The following VWA3B variants were observed in gnomAD, a reference collection of about 807,000 sequenced individuals.
The protein encoded by VWA3B is von Willebrand factor A domain containing 3B, also known as von Willebrand factor A domain-containing protein 3B.
In VWA3B, 138 loss-of-function variants were observed where a neutral mutation model predicts 158.3. The ratio of observed to expected loss-of-function variants is 0.87; its 90% confidence interval spans 0.76 to 1.00. The LOEUF is 1.00. Ranked by LOEUF, VWA3B falls within the 50% of genes least tolerant of loss-of-function variation. The pLI is 0.00. For synonymous variants in VWA3B, 596 were observed against 587.3 expected (o/e 1.01, Z -0.21); for missense variants, 1,555 against 1,565.1 (o/e 0.99, Z 0.11).
the VWA3B span, among the ~76,000 whole-genome samples, chr2:98,321,581 C>T: frequency 6.6e-6 from 1 of 152,230 alleles, no homozygotes; most frequent in South Asian, 2.1e-4. Flanking sequence ...GAAAAGACAT[C>T]ATTTCAGAGC....
chr2:98,310,129 C>G (rs1690798201), intron 26 of VWA3B, among the ~76,000 whole-genome samples: 1 of 152,126 alleles, frequency 6.6e-6, no homozygotes. Flanking sequence ...TCTAAGACCC[C>G]CCACCGGGTC....
intron 13 of VWA3B, chr2:98,216,982 A>ACCACCCC: frequency 1.6e-6 from 2 of 1,232,686 alleles, no homozygotes; most frequent in Non-Finnish European, 2.1e-6. Flanking sequence ...CATTGTAAGC[A>ACCACCCC]CCCGCCCCGC....
At chr2:98,280,181 CTCTT>C (rs540077415) in intron 22 of VWA3B, among the ~76,000 whole-genome samples, 56 of 152,230 alleles carry the variant, frequency 3.7e-4, no homozygotes, top group African/African-American at 1.3e-3. Flanking sequence ...AAATTTTTCT[CTCTT>C]TGTTTGTTTG....
intron 4 of VWA3B, among the ~76,000 whole-genome samples, chr2:98,120,820 T>C (rs920385724): frequency 6.6e-6 from 1 of 152,110 alleles, no homozygotes; most frequent in Admixed American, 6.5e-5. Context: ...CCAGTATTAA[T>C]CCAAAAGAAG....
intron 12 of VWA3B, chr2:98,206,495 G>A: frequency 2.1e-6 from 1 of 465,320 alleles, no homozygotes; most frequent in Admixed American, 2.6e-5. Flanking sequence ...GAATGGTACA[G>A]AAGGCTTGTT....
chr2:98,111,239 C>T (rs1428174051), intron 2 of VWA3B, among the ~76,000 whole-genome samples: 1 of 152,108 alleles, frequency 6.6e-6, no homozygotes, highest in African/African-American at 2.4e-5. Context: ...ATAATGGCCT[C>T]CAGTTCCATA....
intron 21 of VWA3B, among the ~76,000 whole-genome samples, chr2:98,261,868 T>C (rs187783523): frequency 5.3e-5 from 8 of 151,876 alleles, no homozygotes; most frequent in Admixed American, 5.2e-4. Context: ...TAATGTGTGT[T>C]GGTGTGACTC....
At chr2:98,147,462 G>A (rs1006200773) in intron 7 of VWA3B, among the ~76,000 whole-genome samples, 8 of 151,914 alleles carry the variant, frequency 5.3e-5, no homozygotes, top group Non-Finnish European at 7.4e-5. Context: ...AAATAATTAA[G>A]GCATAAATAT....
In VWA3B at chr2:98,228,182, T is replaced by C. The variant is rs2105682729; in HGVS notation, c.2020-20T>C. ...TCTTTTTATCTAGTCTTATAGCATA[T>C]TCACTTCTCATTTTGGCAGAATGAA... is the stretch of plus-strand genomic sequence containing the variant. On this transcript the variant is annotated intron_variant, in intron 14 of 27. Coordinates refer to ENST00000477737, the MANE Select transcript of VWA3B (RefSeq NM_144992.5). The C allele has an allele frequency of 6.2e-7, 1 of 1,605,048 alleles. No homozygotes were observed. Among genetic ancestry groups the C allele is most frequent in the African/African-American group, 1.3e-5 (1 of 74,696 alleles).
intron 21 of VWA3B, among the ~76,000 whole-genome samples, chr2:98,260,603 G>T (rs771989369): frequency 6.6e-6 from 1 of 151,590 alleles, no homozygotes; most frequent in Non-Finnish European, 1.5e-5. Flanking sequence ...GTGGATTTTG[G>T]CTTCCATAGG....
chr2:98,252,136 C>T lies in VWA3B; in HGVS notation c.2792+1700C>T, dbSNP rs1040113500. On this transcript the variant is annotated intron_variant, in intron 20 of 27. Transcript: ENST00000477737. ...GAGACCTCTCGGGAGCTCCTCTCAG[C>T]GCCCACCCTTCGTGTGGCCCTCAGA... Among the ~76,000 whole-genome samples the T allele has an allele frequency of 2.6e-5, 4 of 152,076 alleles. 1 individual carries two copies. The highest frequency in any genetic ancestry group is 4.1e-4 in the South Asian group (2 of 4,828).
At chr2:98,102,904 G>T (rs1478387425) in intron 2 of VWA3B, among the ~76,000 whole-genome samples, 1 of 152,120 alleles carries the variant, frequency 6.6e-6, no homozygotes, top group South Asian at 2.1e-4. Flanking sequence ...ATAAACAGAG[G>T]GCTAATCAGA....
chr2:98,115,712 A>G lies in VWA3B; in HGVS notation c.257A>G (p.Gln86Arg). The G allele has an allele frequency of 6.2e-7, 1 of 1,613,618 alleles. No individual in the cohort carries two copies. The highest frequency in any genetic ancestry group is 8.5e-7 in the Non-Finnish European group (1 of 1,180,016). The change falls in exon 3 of 28, where the codon CAG (glutamine) becomes CGG (arginine). Residue 86 changes from glutamine (Q) to arginine (R), a missense_variant. Transcript: ENST00000477737. The part of the protein sequence containing the change: ...ASRYADGLFP[Q>R]LYRAEDGRVY... The stretch of plus-strand genomic sequence containing the variant: ...CGGTATGCTGATGGTCTGTTTCCAC[A>G]GCTCTACAGAGCAGAAGATGGCAGA...
chr2:98,301,710 G>T (rs537565203), intron 25 of VWA3B, among the ~76,000 whole-genome samples: 1 of 152,258 alleles, frequency 6.6e-6, no homozygotes, highest in South Asian at 2.1e-4. Flanking sequence ...TTGTCTGTTG[G>T]ATCGTTTGTC....
chr2:98,129,640 C>T (rs560480456), intron 6 of VWA3B, among the ~76,000 whole-genome samples: 12 of 151,902 alleles, frequency 7.9e-5, no homozygotes, highest in African/African-American at 2.9e-4. Context: ...CCTCACAATA[C>T]CCGAATAGTA....
chr2:98,249,608 T>A (rs1686665960), intron 19 of VWA3B, among the ~76,000 whole-genome samples: 1 of 152,090 alleles, frequency 6.6e-6, no homozygotes, highest in Admixed American at 6.5e-5. Flanking sequence ...ACATTTACCA[T>A]CTTTTCCCCC....
intron 7 of VWA3B, among the ~76,000 whole-genome samples, chr2:98,147,801 T>C (rs1573906350): frequency 6.6e-6 from 1 of 152,166 alleles, no homozygotes; most frequent in African/African-American, 2.4e-5. Context: ...GCTGCACCCA[T>C]TAACTCGTCA....
intron 2 of VWA3B, among the ~76,000 whole-genome samples, chr2:98,097,717 C>T (rs1682809673): frequency 6.6e-6 from 1 of 152,230 alleles, no homozygotes; most frequent in African/African-American, 2.4e-5. Context: ...TTTGCATTCC[C>T]ATATATAAGC....
chr2:98,224,184 A>T (rs890308944), intron 14 of VWA3B, among the ~76,000 whole-genome samples: 3 of 152,196 alleles, frequency 2.0e-5, no homozygotes, highest in African/African-American at 7.2e-5. Context: ...TAATTGGAGC[A>T]TCAGAAAGAA....
Sources: allele counts gnomAD v4.1 joint callset (sites outside exome capture counted in the v4.1 genomes callset), GRCh38; gene constraint gnomAD v4.1.1; transcripts MANE v1.5; gene names NCBI Gene and HGNC (gene_info 2026-07-23, HGNC 2026-07-21).